LIN7A: variants seen among roughly 807,000 people sequenced by gnomAD.
LIN7A encodes the protein protein lin-7 homolog A.
In LIN7A, 25 loss-of-function variants were observed where a neutral mutation model predicts 29.8. That is an observed-to-expected ratio of 0.84 (90% CI 0.61 to 1.17). LIN7A has a LOEUF of 1.17. LIN7A is among the 50% of genes most tolerant of loss of function. The pLI, the probability that LIN7A is intolerant of heterozygous loss-of-function variation, is 0.00. For synonymous variants in LIN7A, 118 were observed against 107.5 expected, an observed-to-expected ratio of 1.10 and a Z score of -0.60; for missense variants, 239 against 287.0, an observed-to-expected ratio of 0.83 and a Z score of 1.21.
In LIN7A at chr12:80,807,077, T is replaced by TTTTTTTTTTTTTTTTG. The variant is rs1871053026; in HGVS notation, c.*4387_*4388insCAAAAAAAAAAAAAAA. On this transcript the variant is annotated intron_variant, in intron 5 of 5. Coordinates refer to ENST00000552864, the MANE Select transcript of LIN7A (RefSeq NM_004664.4). The stretch of plus-strand genomic sequence containing the variant: ...ATGAAGATGGAGTTTTTTTTTTTTT[T>TTTTTTTTTTTTTTTTG]TTTTTTTTTTTTTTGACGGAGTCTC... 1.7e-4 allele frequency among the ~76,000 whole-genome samples: 20 copies of TTTTTTTTTTTTTTTTG among 115,550 alleles called. 1 individual carries two copies. The highest frequency in any genetic ancestry group is 3.0e-4 in the South Asian group (1 of 3,360). 75.8% of individuals were successfully genotyped at this position (115,550 alleles called of 152,430 possible).
chr12:80,877,122 A>G (rs1874749051), intron 2 of LIN7A, among the ~76,000 whole-genome samples: 6 of 24,992 alleles, frequency 2.4e-4, no homozygotes, highest in Admixed American at 2.1e-3. Context: ...ACTCTGTCTC[A>G]AAAAAAAAAA....
intron 1 of LIN7A, among the ~76,000 whole-genome samples, chr12:80,934,564 T>C (rs1000396453): frequency 1.3e-5 from 2 of 152,230 alleles, no homozygotes; most frequent in Non-Finnish European, 2.9e-5. Context: ...CTTTCAAATT[T>C]GGAAAGCAGT....
intron 4 of LIN7A, among the ~76,000 whole-genome samples, chr12:80,818,271 C>A (rs1218956147): frequency 6.6e-6 from 1 of 152,096 alleles, no homozygotes; most frequent in Non-Finnish European, 1.5e-5. Context: ...CTTTCACTAT[C>A]ATTTTATTTT....
chr12:80,870,717 C>T (rs1283186621), intron 2 of LIN7A, among the ~76,000 whole-genome samples: 1 of 152,176 alleles, frequency 6.6e-6, no homozygotes, highest in Non-Finnish European at 1.5e-5. Context: ...CAGGAGAAAA[C>T]TGTTGAGCCA....
intron 4 of LIN7A, 44 bp downstream of exon 4, chr12:80,845,686 G>A: frequency 6.7e-7 from 1 of 1,498,080 alleles, no homozygotes. Flanking sequence ...CAAAAAAAAA[G>A]AATGTGCTTA....
chr12:80,867,542 T>G (rs1243154439), intron 2 of LIN7A, among the ~76,000 whole-genome samples: 1 of 152,170 alleles, frequency 6.6e-6, no homozygotes, highest in Non-Finnish European at 1.5e-5. Context: ...ATCTGCTGTA[T>G]TCCTTTTTTT....
rs1870443555 is a variant in LIN7A, at chr12:80,796,238, C to T, written c.*1489G>A. 1.3e-5 allele frequency: 2 copies of T among 152,144 alleles called. No homozygotes were observed. The highest frequency in any genetic ancestry group is 6.5e-5 in the Admixed American group (1 of 15,268). The allele number at this position is 152,144 out of a possible 1,614,324, so 9.4% of individuals were successfully genotyped here. A position where few individuals can be genotyped will look rare whatever the true frequency, so the allele number is the denominator to read the frequency against. On this transcript the variant is annotated 3_prime_UTR_variant, in exon 6 of 6. Coordinates refer to ENST00000552864, the MANE Select transcript of LIN7A (RefSeq NM_004664.4). ...AATTTCTGTATTTGAGAAAAGGGAA[C>T]ATTCAAATATTTGCCTGTGGTTTAC...
intron 4 of LIN7A, among the ~76,000 whole-genome samples, chr12:80,823,711 C>A (rs1178889667): frequency 1.6e-4 from 24 of 152,206 alleles, no homozygotes; most frequent in Admixed American, 1.6e-3. Context: ...GGCTTCCAGC[C>A]AGAAATGTGA....
intron 4 of LIN7A, among the ~76,000 whole-genome samples, chr12:80,840,247 T>G (rs1872748618): frequency 6.6e-6 from 1 of 152,248 alleles, no homozygotes; most frequent in South Asian, 2.1e-4. Context: ...ATTAACATCT[T>G]ACAAAATCAT....
At chr12:80,920,309 A>C (rs1429841028) in intron 1 of LIN7A, among the ~76,000 whole-genome samples, 1 of 152,214 alleles carries the variant, frequency 6.6e-6, no homozygotes, top group African/African-American at 2.4e-5. Flanking sequence ...AATATGTAAA[A>C]GCCATTTTTA....
In LIN7A at chr12:80,854,981, G is replaced by T. The variant is rs527836225; in HGVS notation, c.202-6659C>A. 8.5e-4 allele frequency among the ~76,000 whole-genome samples: 129 copies of T among 152,216 alleles called. No homozygotes were observed. The Middle Eastern group carries it at 0.014, about 16-fold the overall frequency. ...AAGTTTATCAGCATGGAAAACAGTA[G>T]ATATATTTAATGGATAAGAACATCT... On this transcript the variant is annotated intron_variant, in intron 2 of 5. Transcript: ENST00000552864.
At chr12:80,823,269 A>G (rs540087259) in intron 4 of LIN7A, among the ~76,000 whole-genome samples, 1 of 152,298 alleles carries the variant, frequency 6.6e-6, no homozygotes, top group Non-Finnish European at 1.5e-5. Context: ...GGTGATGAGA[A>G]GGAGAGAGGA....
intron 4 of LIN7A, among the ~76,000 whole-genome samples, chr12:80,829,069 G>T (rs575632090): frequency 6.6e-6 from 1 of 152,074 alleles, no homozygotes; most frequent in Non-Finnish European, 1.5e-5. Context: ...GAGAGGAAAG[G>T]TCATTCTAGA....
chr12:80,810,360 C>T (rs1871227039), intron 5 of LIN7A, among the ~76,000 whole-genome samples: 1 of 150,042 alleles, frequency 6.7e-6, no homozygotes, highest in Non-Finnish European at 1.5e-5. Flanking sequence ...ACATTTCCTG[C>T]TTTTTAAAGG....
chr12:80,824,242 T>C (rs1871949997), intron 4 of LIN7A, among the ~76,000 whole-genome samples: 1 of 152,144 alleles, frequency 6.6e-6, no homozygotes, highest in African/African-American at 2.4e-5. Context: ...AACACCTTTA[T>C]ACACATAGAC....
chr12:80,900,598 T>C (rs949359667), intron 1 of LIN7A, among the ~76,000 whole-genome samples: 1 of 152,196 alleles, frequency 6.6e-6, no homozygotes, highest in Admixed American at 6.5e-5. Flanking sequence ...TTGATTTCTA[T>C]TTTTATTGTT....
At chr12:80,845,652 G>C in intron 4 of LIN7A, 78 bp downstream of exon 4, 1 of 1,127,742 alleles carries the variant, frequency 8.9e-7, no homozygotes, top group South Asian at 1.5e-5. Context: ...GGTTTTCAAC[G>C]TTGACTTCAG....
At chr12:80,897,896 C>A (rs1875994931) in intron 1 of LIN7A, among the ~76,000 whole-genome samples, 1 of 151,854 alleles carries the variant, frequency 6.6e-6, no homozygotes, top group South Asian at 2.1e-4. Flanking sequence ...CAAAATATTG[C>A]CAATATTTTC....
chr12:80,816,035 A>G (rs941953881), intron 4 of LIN7A, among the ~76,000 whole-genome samples: 1 of 152,212 alleles, frequency 6.6e-6, no homozygotes, highest in African/African-American at 2.4e-5. Context: ...AAAATGCACT[A>G]TGAAGACTGT....
Sources: allele counts gnomAD v4.1 joint callset (sites outside exome capture counted in the v4.1 genomes callset), GRCh38; gene constraint gnomAD v4.1.1; transcripts MANE v1.5; gene names NCBI Gene and HGNC (gene_info 2026-07-23, HGNC 2026-07-21).